The following PPARGC1A variants were observed in gnomAD, a reference collection of about 807,000 sequenced individuals.
The protein encoded by PPARGC1A is PPARG coactivator 1 alpha.
PPARGC1A carries 25 observed loss-of-function variants against 88.7 expected under a neutral mutation model. The observed-to-expected ratio is 0.28, with a 90% CI of 0.21 to 0.39. The LOEUF (loss-of-function observed/expected upper bound fraction) is 0.39, where lower values mean the gene tolerates loss of function less well. Ranked by LOEUF, PPARGC1A falls within the 10% of genes least tolerant of loss-of-function variation. The pLI is 1.00. For synonymous variants in PPARGC1A, 363 were observed against 355.6 expected (o/e 1.02, Z -0.24); for missense variants, 880 against 968.7 (o/e 0.91, Z 1.22).
the PPARGC1A span, among the ~76,000 whole-genome samples, chr4:24,399,806 T>G: frequency 6.6e-6 from 1 of 151,462 alleles, no homozygotes; most frequent in Non-Finnish European, 1.5e-5. Flanking sequence ...TTTTTTTTTT[T>G]GAGACAGAGT....
chr4:24,358,492 A>G, the PPARGC1A span, among the ~76,000 whole-genome samples: 1 of 152,202 alleles, frequency 6.6e-6, no homozygotes. Context: ...TCTTAACCAC[A>G]GTGCTCTGTA....
At chr4:24,365,446 A>G in the PPARGC1A span, among the ~76,000 whole-genome samples, 4 of 152,210 alleles carry the variant, frequency 2.6e-5, no homozygotes, top group Non-Finnish European at 5.9e-5. Flanking sequence ...TCAGTGCTAT[A>G]TTAGCAATTA....
the PPARGC1A span, among the ~76,000 whole-genome samples, chr4:23,948,458 C>A: frequency 6.6e-6 from 1 of 152,082 alleles, no homozygotes; most frequent in East Asian, 1.9e-4. Flanking sequence ...GAGGCAGGTA[C>A]TGTAACTCCC....
At chr4:24,274,397 G>A in the PPARGC1A span, among the ~76,000 whole-genome samples, 1 of 152,130 alleles carries the variant, frequency 6.6e-6, no homozygotes, top group Non-Finnish European at 1.5e-5. Context: ...TTTCTGTAAA[G>A]GGCCAGACAG....
the PPARGC1A span, among the ~76,000 whole-genome samples, chr4:24,259,275 C>A: frequency 6.6e-6 from 1 of 152,196 alleles, no homozygotes; most frequent in Non-Finnish European, 1.5e-5. Context: ...CCTTACGCAC[C>A]TCTGCAACAG....
chr4:24,216,183 T>G, the PPARGC1A span, among the ~76,000 whole-genome samples: 1 of 138,112 alleles, frequency 7.2e-6, no homozygotes, highest in Non-Finnish European at 1.5e-5. Flanking sequence ...AGTCTCTCCC[T>G]GTCGCCCAGA....
the PPARGC1A span, among the ~76,000 whole-genome samples, chr4:24,177,368 A>C: frequency 6.6e-6 from 1 of 151,932 alleles, no homozygotes. Context: ...TCACAAGGAC[A>C]AAAAACCAAA....
chr4:24,213,387 C>G, the PPARGC1A span, among the ~76,000 whole-genome samples: 1 of 152,048 alleles, frequency 6.6e-6, no homozygotes, highest in Non-Finnish European at 1.5e-5. Flanking sequence ...AGAATAGTCT[C>G]GATCTCCTGA....
At chr4:23,893,911 A>C (rs904649465), upstream of PPARGC1A, among the ~76,000 whole-genome samples, 20 of 152,160 alleles carry the variant, frequency 1.3e-4, 1 homozygote, top group Admixed American at 3.3e-4. Context: ...TAAGATCAGC[A>C]CTTCATATAC....
chr4:23,887,056 G>C (rs1213156546), intron 1 of PPARGC1A, among the ~76,000 whole-genome samples: 1 of 152,116 alleles, frequency 6.6e-6, no homozygotes, highest in East Asian at 1.9e-4. Context: ...TCTTTGGCAT[G>C]ACTTGCTCAT....
the PPARGC1A span, among the ~76,000 whole-genome samples, chr4:24,249,238 G>A: frequency 1.1e-3 from 166 of 151,118 alleles, no homozygotes; most frequent in African/African-American, 3.8e-3. Context: ...GAACATACAG[G>A]AAAGAAAAAT....
intron 2 of PPARGC1A, chr4:23,883,739 C>T (rs930000198): frequency 6.6e-6 from 1 of 152,174 alleles, no homozygotes; most frequent in Non-Finnish European, 1.5e-5. Flanking sequence ...ATCATTCTCT[C>T]ATGATTTAAC....
At chr4:23,878,032 A>C (rs1189650500) in intron 2 of PPARGC1A, among the ~76,000 whole-genome samples, 1 of 152,172 alleles carries the variant, frequency 6.6e-6, no homozygotes, top group African/African-American at 2.4e-5. Context: ...CTAAGAAGCA[A>C]TGAGCCACTT....
At chr4:24,136,609 G>A in the PPARGC1A span, among the ~76,000 whole-genome samples, 1 of 152,148 alleles carries the variant, frequency 6.6e-6, no homozygotes, top group Non-Finnish European at 1.5e-5. Flanking sequence ...TGTGGAGTCA[G>A]AGAAGAGCTC....
chr4:24,024,372 C>T, the PPARGC1A span, among the ~76,000 whole-genome samples: 13 of 152,182 alleles, frequency 8.5e-5, no homozygotes, highest in Admixed American at 1.3e-4. Context: ...TCTGATTCCA[C>T]GGACCACATT....
chr4:24,086,812 A>G, the PPARGC1A span, among the ~76,000 whole-genome samples: 2 of 152,210 alleles, frequency 1.3e-5, no homozygotes, highest in African/African-American at 4.8e-5. Flanking sequence ...GTGTTCTTCT[A>G]AACACTTTCA....
chr4:23,935,940 CA>C, the PPARGC1A span, among the ~76,000 whole-genome samples: 2 of 151,810 alleles, frequency 1.3e-5, no homozygotes, highest in South Asian at 2.1e-4. Context: ...ACAGCCTATA[CA>C]TGTATTTTTT....
chr4:24,387,824 G>GAAAGAAAGAA, the PPARGC1A span, among the ~76,000 whole-genome samples: 4 of 64,944 alleles, frequency 6.2e-5, no homozygotes, highest in South Asian at 6.3e-4. Flanking sequence ...AAGAAAGAAA[G>GAAAGAAAGAA]AGAGAAAGAG....
the PPARGC1A span, among the ~76,000 whole-genome samples, chr4:24,414,297 T>A: frequency 6.6e-6 from 1 of 152,188 alleles, no homozygotes; most frequent in Admixed American, 6.5e-5. Context: ...TGGGCAGAAT[T>A]AAATGAGAAT....
Sources: allele counts gnomAD v4.1 joint callset (sites outside exome capture counted in the v4.1 genomes callset), GRCh38; gene constraint gnomAD v4.1.1; transcripts MANE v1.5; gene names NCBI Gene and HGNC (gene_info 2026-07-23, HGNC 2026-07-21).